Variants in SPATA16 observed in about 807,000 individuals in gnomAD.
SPATA16 encodes the protein spermatogenesis-associated protein 16.
SPATA16 carries 36 observed loss-of-function variants against 63.3 expected under a neutral mutation model. That is an observed-to-expected ratio of 0.57 (90% CI 0.44 to 0.75). The LOEUF is 0.75. Among genes scored for constraint, SPATA16 ranks in the 30% least tolerant of loss-of-function variants. SPATA16 has a pLI of 0.00. For missense variants in SPATA16, 646 were observed against 679.3 expected, an observed-to-expected ratio of 0.95 and a Z score of 0.54; for synonymous variants, 203 against 216.7, an observed-to-expected ratio of 0.94 and a Z score of 0.56.
intron 6 of SPATA16, among the ~76,000 whole-genome samples, chr3:172,927,198 C>T (rs1001904295): frequency 2.0e-5 from 3 of 152,118 alleles, no homozygotes; most frequent in Non-Finnish European, 4.4e-5. Flanking sequence ...ACTGATTACC[C>T]ATCCTCACTA....
In SPATA16 at chr3:172,925,510, G is replaced by A. The variant is rs146509162; in HGVS notation, c.1082-18C>T. 34,931 of 1,613,782 alleles carry A rather than the reference G, an allele frequency of 0.022. 458 individuals are homozygous for A. The highest frequency in any genetic ancestry group is 0.046 in the Middle Eastern group (279 of 6,056). ...TTGAAGATCTGAAATATGACAGAAA[G>A]AGAACTAAGAGGCTTTGTTATGGTT... is the stretch of plus-strand genomic sequence containing the variant. On this transcript the variant is annotated intron_variant, in intron 6 of 10. Transcript: ENST00000351008.
chr3:173,079,393 G>A (rs1209352305), intron 2 of SPATA16, among the ~76,000 whole-genome samples: 1 of 152,082 alleles, frequency 6.6e-6, no homozygotes, highest in Non-Finnish European at 1.5e-5. Flanking sequence ...GCTTAATAAA[G>A]TGAAAGAATA....
intron 5 of SPATA16, among the ~76,000 whole-genome samples, chr3:172,974,413 AGTGAAATTGCTAGG>A (rs1734110313): frequency 6.6e-6 from 1 of 152,026 alleles, no homozygotes; most frequent in African/African-American, 2.4e-5. Context: ...TGAAGTCATC[AGTGAAATTGCTAGG>A]GTGGATTGGG....
At chr3:173,041,960 A>G (rs1735850205) in intron 3 of SPATA16, among the ~76,000 whole-genome samples, 2 of 152,288 alleles carry the variant, frequency 1.3e-5, no homozygotes, top group South Asian at 4.1e-4. Context: ...TAAAAATAAA[A>G]AAAAGAAGAG....
intron 6 of SPATA16, among the ~76,000 whole-genome samples, chr3:172,954,565 G>A (rs1287732924): frequency 6.6e-6 from 1 of 152,184 alleles, no homozygotes; most frequent in Non-Finnish European, 1.5e-5. Context: ...TTCGGCTACT[G>A]ATGCAGCTCT....
intron 2 of SPATA16, among the ~76,000 whole-genome samples, chr3:173,106,025 G>A (rs1193461464): frequency 1.3e-5 from 2 of 151,990 alleles, no homozygotes; most frequent in Admixed American, 6.5e-5. Flanking sequence ...AATGCTGATT[G>A]CAATCCATTA....
chr3:173,099,028 C>T (rs1577173704), intron 2 of SPATA16, among the ~76,000 whole-genome samples: 1 of 152,198 alleles, frequency 6.6e-6, no homozygotes, highest in East Asian at 1.9e-4. Context: ...ACACTGTCTG[C>T]TTCTCATATC....
At chr3:173,021,751 T>C in intron 3 of SPATA16, among the ~76,000 whole-genome samples, 1 of 150,404 alleles carries the variant, frequency 6.6e-6, no homozygotes, top group East Asian at 1.9e-4. Flanking sequence ...TATTTATTTA[T>C]TTATTTATTT....
At chr3:172,965,831 C>T (rs952160301) in intron 5 of SPATA16, among the ~76,000 whole-genome samples, 1 of 152,100 alleles carries the variant, frequency 6.6e-6, no homozygotes, top group African/African-American at 2.4e-5. Context: ...CCGCCTAGGC[C>T]TCCCAAAGTG....
chr3:173,112,244 T>C (rs752431077), intron 2 of SPATA16, among the ~76,000 whole-genome samples: 2 of 152,244 alleles, frequency 1.3e-5, no homozygotes, highest in African/African-American at 2.4e-5. Context: ...ATGTTGGACA[T>C]ACAACATTTT....
intron 3 of SPATA16, among the ~76,000 whole-genome samples, chr3:173,039,099 C>CT (rs568385005): frequency 7.4e-5 from 11 of 149,014 alleles, no homozygotes; most frequent in Admixed American, 2.7e-4. Context: ...CAATCTAGAA[C>CT]TTTTTTTTTT....
chr3:172,963,422 C>T (rs528093122), intron 5 of SPATA16, among the ~76,000 whole-genome samples: 1 of 151,788 alleles, frequency 6.6e-6, no homozygotes, highest in South Asian at 2.1e-4. Context: ...TACTTTGCAA[C>T]CCTTTCTGTT....
rs545026264 is a variant in SPATA16 at position 173,007,102 on chromosome 3, A to G, written c.848+12384T>C. ...CAAATATCTCAAACTCAGAGTGTCA[A>G]AATAAAATAAAACAAAAGCAATTGT... On this transcript the variant is annotated intron_variant, in intron 4 of 10. Transcript: ENST00000351008. 1.0e-3 allele frequency among the ~76,000 whole-genome samples: 154 copies of G among 152,318 alleles called. 2 individuals carry two copies. The South Asian group carries it at 0.029, about 29-fold the overall frequency.
chr3:173,032,307 T>C (rs992868779), intron 3 of SPATA16, among the ~76,000 whole-genome samples: 2 of 152,118 alleles, frequency 1.3e-5, no homozygotes, highest in African/African-American at 4.8e-5. Flanking sequence ...ATGAAATAAT[T>C]ACTTAAAAGA....
intron 2 of SPATA16, among the ~76,000 whole-genome samples, chr3:173,095,395 CAA>C (rs1174585360): frequency 1.3e-5 from 2 of 152,074 alleles, no homozygotes; most frequent in Non-Finnish European, 2.9e-5. Context: ...CTATGAAAGT[CAA>C]GTTTCTTTTC....
At chr3:173,094,788 A>G (rs1000060947) in intron 2 of SPATA16, among the ~76,000 whole-genome samples, 2 of 150,472 alleles carry the variant, frequency 1.3e-5, no homozygotes, top group Admixed American at 6.7e-5. Context: ...TGTGATGGGC[A>G]GGCCGTAGGG....
At chr3:172,907,598 A>G (rs969225872) in intron 10 of SPATA16, among the ~76,000 whole-genome samples, 5 of 150,960 alleles carry the variant, frequency 3.3e-5, no homozygotes, top group African/African-American at 1.2e-4. Context: ...TTTTTGAGAC[A>G]GAGTTTCACT....
chr3:172,988,682 AC>A (rs1734508226), intron 4 of SPATA16, among the ~76,000 whole-genome samples: 1 of 152,132 alleles, frequency 6.6e-6, no homozygotes. Context: ...CACTCATATC[AC>A]CTAGGTGCAA....
intron 8 of SPATA16, among the ~76,000 whole-genome samples, chr3:172,919,063 T>C (rs1200418933): frequency 1.3e-5 from 2 of 152,224 alleles, no homozygotes; most frequent in Non-Finnish European, 2.9e-5. Context: ...TATGCTTCAC[T>C]TGGAAGAAAT....
Sources: gnomAD v4.1 joint callset for allele counts (sites outside exome capture counted in the v4.1 genomes callset) on GRCh38, gnomAD v4.1.1 for gene constraint, MANE v1.5 for transcripts, NCBI Gene and HGNC (gene_info 2026-07-23, HGNC 2026-07-21) for gene names.